TENM4: variants seen among roughly 807,000 people sequenced by gnomAD.
The protein encoded by TENM4 is teneurin-4.
In TENM4, 82 loss-of-function variants were observed where a neutral mutation model predicts 243.3. The ratio of observed to expected loss-of-function variants is 0.34; its 90% CI spans 0.28 to 0.40. The LOEUF (loss-of-function observed/expected upper bound fraction) is 0.40. TENM4 is among the 10% of genes least tolerant of loss of function. The pLI, the probability that TENM4 is intolerant of heterozygous loss-of-function variation, is 1.00. For missense variants in TENM4, 3,138 were observed against 3,673.3 expected (o/e 0.85, Z 3.77); for synonymous variants, 1,412 against 1,456.3 (o/e 0.97, Z 0.69).
chr11:78,885,534 T>G (rs1471275988), intron 9 of TENM4, among the ~76,000 whole-genome samples: 2 of 152,226 alleles, frequency 1.3e-5, no homozygotes, highest in Non-Finnish European at 2.9e-5. Flanking sequence ...CTGACTCCAG[T>G]GTCTCTACTT....
At chr11:79,171,915 G>A (rs1863054124) in intron 3 of TENM4, among the ~76,000 whole-genome samples, 2 of 152,274 alleles carry the variant, frequency 1.3e-5, no homozygotes, top group South Asian at 4.2e-4. Context: ...GCCATCCAAA[G>A]CAGGTCACTT....
At chr11:79,134,910 A>G (rs983939882) in intron 4 of TENM4, among the ~76,000 whole-genome samples, 1 of 152,212 alleles carries the variant, frequency 6.6e-6, no homozygotes, top group Non-Finnish European at 1.5e-5. Context: ...AACATTGGAA[A>G]AACCCTTCTA....
intron 3 of TENM4, among the ~76,000 whole-genome samples, chr11:79,167,450 T>C (rs906232728): frequency 1.3e-5 from 2 of 152,140 alleles, no homozygotes; most frequent in African/African-American, 4.8e-5. Context: ...AACTAATCCA[T>C]AGAGCAACCT....
At chr11:78,769,843 G>C (rs900834696) in intron 18 of TENM4, among the ~76,000 whole-genome samples, 1 of 152,330 alleles carries the variant, frequency 6.6e-6, no homozygotes, top group Non-Finnish European at 1.5e-5. Context: ...CCCTTTCTAG[G>C]CTGCTGAAAC....
intron 6 of TENM4, among the ~76,000 whole-genome samples, chr11:79,062,064 T>C (rs1206636779): frequency 6.6e-6 from 1 of 151,030 alleles, no homozygotes; most frequent in Non-Finnish European, 1.5e-5. Context: ...GGGGTTCCAG[T>C]GATTCTCCTG....
rs960081280 is a variant in TENM4, at chr11:79,069,744, C to G, written c.201G>C (p.Glu67Asp). ...GSRVKDIVPQ[E>D]AEEFCRTGAN... ...TACCTGTGCGGCAGAATTCCTCGGC[C>G]TCCTGCGGCACAATGTCCTTGACGC... The change falls in exon 5 of 34, where the codon GAG (glutamate) becomes GAC (aspartate). Residue 67 changes from glutamate (E) to aspartate (D), a missense_variant. Glu to Asp is a conservative substitution (Grantham distance 45). Transcript: ENST00000278550. The G allele has an allele frequency of 3.2e-5, 49 of 1,550,918 alleles. No individual in the cohort carries two copies. The highest frequency in any genetic ancestry group is 3.8e-5 in the Non-Finnish European group (44 of 1,146,922).
intron 6 of TENM4, among the ~76,000 whole-genome samples, chr11:78,984,269 T>C (rs546098436): frequency 2.0e-4 from 30 of 152,332 alleles, no homozygotes; most frequent in African/African-American, 7.0e-4. Flanking sequence ...TAGAGTATCC[T>C]AAATGAAGCC....
At chr11:79,011,045 T>C (rs1469970598) in intron 6 of TENM4, among the ~76,000 whole-genome samples, 3 of 152,248 alleles carry the variant, frequency 2.0e-5, no homozygotes, top group Non-Finnish European at 4.4e-5. Flanking sequence ...GAATGTTTGA[T>C]GTGTAGTAGG....
intron 1 of TENM4, among the ~76,000 whole-genome samples, chr11:79,365,796 A>T (rs1438953059): frequency 1.4e-4 from 22 of 152,172 alleles, no homozygotes; most frequent in Admixed American, 1.4e-3. Context: ...TCCATGGAGG[A>T]AGTGACATTG....
intron 1 of TENM4, among the ~76,000 whole-genome samples, chr11:79,367,669 T>C (rs1342933372): frequency 6.6e-6 from 1 of 152,232 alleles, no homozygotes; most frequent in Non-Finnish European, 1.5e-5. Context: ...TAATCCAATG[T>C]GTCAACAACC....
chr11:79,268,635 A>G (rs746169056), intron 2 of TENM4, among the ~76,000 whole-genome samples: 2 of 152,196 alleles, frequency 1.3e-5, no homozygotes, highest in Non-Finnish European at 2.9e-5. Flanking sequence ...ACCATGCATA[A>G]AGAGGTGAAA....
intron 4 of TENM4, among the ~76,000 whole-genome samples, chr11:79,080,577 A>G (rs547691604): frequency 5.9e-5 from 9 of 152,288 alleles, no homozygotes; most frequent in African/African-American, 1.9e-4. Context: ...TGCAGCCTGA[A>G]TGTCCCCCCT....
At chr11:79,123,130 C>T (rs559426667) in intron 4 of TENM4, among the ~76,000 whole-genome samples, 1 of 152,102 alleles carries the variant, frequency 6.6e-6, no homozygotes, top group Non-Finnish European at 1.5e-5. Flanking sequence ...GGAACTCAGA[C>T]CCTGGGAGGT....
At chr11:78,738,849 G>C (rs988828210) in intron 19 of TENM4, among the ~76,000 whole-genome samples, 1 of 152,244 alleles carries the variant, frequency 6.6e-6, no homozygotes, top group African/African-American at 2.4e-5. Flanking sequence ...GCTGTAAGGA[G>C]ATAAAGCTGA....
chr11:79,230,444 T>A (rs1297634694), intron 2 of TENM4, among the ~76,000 whole-genome samples: 4 of 152,070 alleles, frequency 2.6e-5, no homozygotes, highest in African/African-American at 9.7e-5. Flanking sequence ...CCAAGAACCG[T>A]CCCCAATAAC....
intron 30 of TENM4, among the ~76,000 whole-genome samples, chr11:78,675,698 A>G (rs1365520443): frequency 6.6e-6 from 1 of 152,248 alleles, no homozygotes; most frequent in Non-Finnish European, 1.5e-5. Context: ...ATTTTGGGAC[A>G]TGCTAGCAAT....
At chr11:78,704,160 T>TAC (rs1859184802) in intron 27 of TENM4, among the ~76,000 whole-genome samples, 1 of 2,746 alleles carries the variant, frequency 3.6e-4, no homozygotes, top group Non-Finnish European at 2.7e-3. Context: ...TATGTGTGTC[T>TAC]ATATATATAT....
At chr11:79,048,352 G>T (rs1326407684) in intron 6 of TENM4, among the ~76,000 whole-genome samples, 2 of 152,034 alleles carry the variant, frequency 1.3e-5, no homozygotes, top group Non-Finnish European at 2.9e-5. Context: ...TTTTTCCAGT[G>T]ACCACTTCAA....
Position 78,812,172 on chromosome 11 carries a change from G to A in TENM4, c.1928C>T (p.Thr643Met), listed in dbSNP as rs752573807. The change falls in exon 14 of 34, where the codon ACG (threonine) becomes ATG (methionine). Residue 643 changes from threonine to methionine, a missense_variant. Physicochemically the swap from Thr to Met is moderately conservative, Grantham distance 81. This residue lies in a region of TENM4 where 2,467 missense variants were observed against 3,059.1 expected (regional missense o/e 0.81). Coordinates refer to ENST00000278550, the MANE Select transcript of TENM4 (RefSeq NM_001098816.3). ...VACSNHGTCI[T>M]GTCICNPGYK... The stretch of plus-strand genomic sequence containing the variant: ...GCCAGGGTTGCAGATGCAGGTGCCC[G>A]TGATGCAGGTGCCATGGTTGCTGCA... 14 of 1,551,778 alleles carry A rather than the reference G, an allele frequency of 9.0e-6. No individual in the cohort carries two copies. The East Asian group carries it at 9.8e-5, about 11-fold the overall frequency.
Sources: allele counts gnomAD v4.1 joint callset (sites outside exome capture counted in the v4.1 genomes callset), GRCh38; gene constraint gnomAD v4.1.1; regional missense constraint gnomAD v4.1.1; transcripts MANE v1.5; gene names NCBI Gene and HGNC (gene_info 2026-07-23, HGNC 2026-07-21).